Variants in FSTL4 observed in about 807,000 individuals in gnomAD.
FSTL4 encodes follistatin-related protein 4.
In FSTL4, 28 loss-of-function variants were observed where a neutral mutation model predicts 78.2. The ratio of observed to expected loss-of-function variants is 0.36; its 90% CI spans 0.27 to 0.49. The LOEUF (loss-of-function observed/expected upper bound fraction) is 0.49. Ranked by LOEUF, FSTL4 falls within the 20% of genes least tolerant of loss-of-function variation. The pLI, the probability that FSTL4 is intolerant of heterozygous loss-of-function variation, is 0.98. For missense variants in FSTL4, 922 were observed against 1,084.9 expected (o/e 0.85, Z 2.11); for synonymous variants, 422 against 440.5 (o/e 0.96, Z 0.53).
intron 4 of FSTL4, among the ~76,000 whole-genome samples, chr5:133,395,296 C>CAACGAACCCAGCGGGAGGAATG (rs1755992967): frequency 6.6e-6 from 1 of 152,148 alleles, no homozygotes; most frequent in Non-Finnish European, 1.5e-5. Context: ...GCCTGCGAGA[C>CAACGAACCCAGCGGGAGGAATG]AACGAACCCA....
chr5:133,344,468 G>A (rs1456490512), intron 4 of FSTL4, among the ~76,000 whole-genome samples: 2 of 152,172 alleles, frequency 1.3e-5, no homozygotes, highest in Non-Finnish European at 2.9e-5. Flanking sequence ...CACGGCAGGG[G>A]AGATGTCAGC....
intron 4 of FSTL4, among the ~76,000 whole-genome samples, chr5:133,331,999 C>T (rs1340120751): frequency 6.6e-6 from 1 of 152,212 alleles, no homozygotes; most frequent in Non-Finnish European, 1.5e-5. Flanking sequence ...CAACCTGAAG[C>T]TTCTGAGCTG....
At chr5:133,511,712 G>A (rs766967836) in intron 3 of FSTL4, among the ~76,000 whole-genome samples, 1 of 152,138 alleles carries the variant, frequency 6.6e-6, no homozygotes, top group Non-Finnish European at 1.5e-5. Context: ...TTCAAAATGA[G>A]GTATGCCAGG....
chr5:133,753,200 G>C, the FSTL4 span, among the ~76,000 whole-genome samples: 1 of 152,204 alleles, frequency 6.6e-6, no homozygotes, highest in African/African-American at 2.4e-5. Flanking sequence ...CAAACTGAAG[G>C]GGCAGCCTTC....
At chr5:133,461,792 C>T (rs1757599418) in intron 3 of FSTL4, among the ~76,000 whole-genome samples, 1 of 152,192 alleles carries the variant, frequency 6.6e-6, no homozygotes, top group Non-Finnish European at 1.5e-5. Flanking sequence ...TAATAAGTCT[C>T]ATAAGTTATC....
intron 2 of FSTL4, among the ~76,000 whole-genome samples, chr5:133,571,472 T>A (rs1415267087): frequency 6.6e-6 from 1 of 152,178 alleles, no homozygotes; most frequent in African/African-American, 2.4e-5. Flanking sequence ...GTTATCCAGA[T>A]CTTAGAATTC....
At chr5:133,737,883 G>A in the FSTL4 span, among the ~76,000 whole-genome samples, 6 of 152,118 alleles carry the variant, frequency 3.9e-5, no homozygotes, top group African/African-American at 7.2e-5. Flanking sequence ...GATTACAGGC[G>A]TGAGCCACCG....
At position 133,307,195 on chromosome 5, in the gene FSTL4, C is replaced by T. The variant is rs114279962; in HGVS notation, c.727+5459G>A. On this transcript the variant is annotated intron_variant, in intron 6 of 15. Transcript: ENST00000265342. ...GGAGTCCACACTCTTAATAATCAGG[C>T]CACAGCCTTGTTAACCCAGGGCTGT... is the stretch of plus-strand genomic sequence containing the variant. Among the ~76,000 whole-genome samples the T allele has an allele frequency of 3.6e-3, 546 of 152,252 alleles. 3 individuals are homozygous for T. Among genetic ancestry groups the T allele is most frequent in the African/African-American group, 0.013 (522 of 41,536 alleles).
chr5:133,249,637 A>T (rs1752156025), intron 6 of FSTL4, 61 bp from the exon 7 acceptor site: 2 of 1,360,898 alleles, frequency 1.5e-6, no homozygotes, highest in African/African-American at 2.9e-5. Context: ...GTCTCAACTC[A>T]AGGTGAATAG....
intron 2 of FSTL4, among the ~76,000 whole-genome samples, chr5:133,593,328 C>A (rs539180907): frequency 6.6e-6 from 1 of 152,200 alleles, no homozygotes; most frequent in South Asian, 2.1e-4. Context: ...AACAAGAACA[C>A]AGCCATATCA....
the FSTL4 span, among the ~76,000 whole-genome samples, chr5:133,784,412 CAT>C: frequency 6.6e-6 from 1 of 152,182 alleles, no homozygotes; most frequent in Non-Finnish European, 1.5e-5. Context: ...GTCCCACACA[CAT>C]GTCACCATCC....
At chr5:133,400,672 T>G in intron 4 of FSTL4, 66 bp downstream of exon 4, 2 of 1,450,830 alleles carry the variant, frequency 1.4e-6, no homozygotes, top group Admixed American at 3.5e-5. Context: ...CCAGGTCACT[T>G]GTCAAAAAGG....
At chr5:133,294,051 A>G (rs942165703) in intron 6 of FSTL4, among the ~76,000 whole-genome samples, 6 of 152,130 alleles carry the variant, frequency 3.9e-5, no homozygotes, top group South Asian at 2.1e-4. Flanking sequence ...TCCCACTCCC[A>G]TACCTGCCTG....
At chr5:133,331,776 C>T (rs755932946) in intron 4 of FSTL4, among the ~76,000 whole-genome samples, 9 of 152,146 alleles carry the variant, frequency 5.9e-5, no homozygotes, top group South Asian at 2.1e-4. Flanking sequence ...ACTCTGAAAG[C>T]GAACACCAGC....
At chr5:133,417,777 G>T (rs1756606535) in intron 3 of FSTL4, among the ~76,000 whole-genome samples, 1 of 151,678 alleles carries the variant, frequency 6.6e-6, no homozygotes, top group East Asian at 1.9e-4. Flanking sequence ...GGCCAACAAG[G>T]TGAAACCCCC....
At chr5:133,496,672 C>T (rs370326415) in intron 3 of FSTL4, among the ~76,000 whole-genome samples, 8 of 152,316 alleles carry the variant, frequency 5.3e-5, no homozygotes, top group Admixed American at 3.3e-4. Flanking sequence ...AATGCGGACA[C>T]GAGGACAGTG....
chr5:133,607,243 C>T (rs1176225389), intron 1 of FSTL4, among the ~76,000 whole-genome samples: 5 of 152,148 alleles, frequency 3.3e-5, no homozygotes, highest in African/African-American at 7.2e-5. Context: ...ATCTACAGCA[C>T]CAACAGCCTG....
At chr5:133,648,562 T>C in the FSTL4 span, among the ~76,000 whole-genome samples, 1 of 152,018 alleles carries the variant, frequency 6.6e-6, no homozygotes, top group Non-Finnish European at 1.5e-5. Flanking sequence ...CCAACACAAT[T>C]CTAAGCCTGG....
chr5:133,657,316 T>C, the FSTL4 span, among the ~76,000 whole-genome samples: 1 of 152,158 alleles, frequency 6.6e-6, no homozygotes, highest in Non-Finnish European at 1.5e-5. Flanking sequence ...AGAGCTGTGA[T>C]GTAGGAAGAC....
Sources: gnomAD v4.1 joint callset for allele counts (sites outside exome capture counted in the v4.1 genomes callset) on GRCh38, gnomAD v4.1.1 for gene constraint, MANE v1.5 for transcripts, NCBI Gene and HGNC (gene_info 2026-07-23, HGNC 2026-07-21) for gene names.